MGAT4A: variants seen among roughly 807,000 people sequenced by gnomAD.
MGAT4A encodes the protein alpha-1,3-mannosyl-glycoprotein 4-beta-N-acetylglucosaminyltransferase A, also known as N-acetylglucosaminyltransferase IVa.
Under a neutral mutation model 74.1 loss-of-function variants are expected in MGAT4A, and 33 were observed. That is an observed-to-expected ratio of 0.45 (90% CI 0.34 to 0.60). The LOEUF is 0.60. Ranked by LOEUF, MGAT4A falls within the 20% of genes least tolerant of loss-of-function variation. The pLI, the probability that MGAT4A is intolerant of heterozygous loss-of-function variation, is 0.02. For missense variants in MGAT4A, 479 were observed against 628.3 expected, an observed-to-expected ratio of 0.76 and a Z score of 2.54; for synonymous variants, 198 against 210.4, an observed-to-expected ratio of 0.94 and a Z score of 0.51.
chr2:98,720,185 C>A (rs1002044324), intron 2 of MGAT4A, among the ~76,000 whole-genome samples: 4 of 152,136 alleles, frequency 2.6e-5, no homozygotes, highest in Admixed American at 6.5e-5. Flanking sequence ...GTCAATCTCA[C>A]GGGGCTAAGG....
chr2:98,630,224 C>T (rs76023335), intron 14 of MGAT4A, among the ~76,000 whole-genome samples: 23,984 of 152,110 alleles, frequency 0.16, 2,703 homozygotes, highest in East Asian at 0.43. Flanking sequence ...GAGAACAGAT[C>T]GTGCTGTCCA....
At chr2:98,725,121 AG>A (rs539560925) in intron 2 of MGAT4A, among the ~76,000 whole-genome samples, 21 of 152,344 alleles carry the variant, frequency 1.4e-4, no homozygotes, top group African/African-American at 4.3e-4. Flanking sequence ...CTTCTCATTT[AG>A]TACAATAAAA....
At chr2:98,700,322 TATATA>T (rs1216945930) in intron 2 of MGAT4A, among the ~76,000 whole-genome samples, 1 of 148,510 alleles carries the variant, frequency 6.7e-6, no homozygotes, top group African/African-American at 2.4e-5. Flanking sequence ...ATATATACTA[TATATA>T]ATATATTCAT....
chr2:98,643,402 C>G (rs946728958), intron 10 of MGAT4A, among the ~76,000 whole-genome samples: 1 of 152,196 alleles, frequency 6.6e-6, no homozygotes, highest in South Asian at 2.1e-4. Context: ...TATTCACTTA[C>G]TTGACTGCAA....
chr2:98,680,639 G>A (rs1702046236), intron 2 of MGAT4A, among the ~76,000 whole-genome samples: 2 of 152,338 alleles, frequency 1.3e-5, no homozygotes, highest in South Asian at 4.1e-4. Context: ...AGAGAAGGCT[G>A]TGATAGGGAA....
Position 98,636,540 on chromosome 2 carries a change from T to C in MGAT4A, c.1378A>G (p.Thr460Ala), listed in dbSNP as rs1701324645. The C allele has an allele frequency of 1.9e-6, 3 of 1,613,818 alleles. No individual in the cohort carries two copies. The highest frequency in any genetic ancestry group is 2.2e-5 in the East Asian group (1 of 44,848). The stretch of plus-strand genomic sequence containing the variant: ...ACCTTAAAAGGCAAAACTTCCACAG[T>C]TGTGTTTAGCAGAATATCTCCAGGA... ...EHPGDILLNTTVEVLPFKSEG... is the reference protein window; with the variant it reads ...EHPGDILLNTAVEVLPFKSEG... The change falls in exon 13 of 16, where the codon ACT becomes GCT. Residue 460 changes from threonine to alanine, a missense_variant. By Grantham distance (58) the Thr-to-Ala change is moderately conservative (BLOSUM62 0). This residue lies in a region of MGAT4A where 236 missense variants were observed against 308.2 expected (regional missense o/e 0.77). Transcript: ENST00000393487.
chr2:98,726,794 T>G (rs1702771334), intron 1 of MGAT4A: 1 of 154,796 alleles, frequency 6.5e-6, no homozygotes, highest in Admixed American at 6.5e-5. Context: ...TCATTGGTTT[T>G]GTTTTGTCTG....
At chr2:98,648,133 G>A (rs893546009) in intron 8 of MGAT4A, among the ~76,000 whole-genome samples, 4 of 152,158 alleles carry the variant, frequency 2.6e-5, no homozygotes, top group African/African-American at 7.2e-5. Flanking sequence ...CATAATAAGC[G>A]TATGTGAAGA....
intron 12 of MGAT4A, among the ~76,000 whole-genome samples, chr2:98,638,274 T>C (rs1295161729): frequency 6.6e-6 from 1 of 152,254 alleles, no homozygotes; most frequent in Non-Finnish European, 1.5e-5. Context: ...AAAATCCTTC[T>C]ATAATCTATA....
chr2:98,671,461 C>T (rs569660408), intron 4 of MGAT4A, among the ~76,000 whole-genome samples: 1 of 152,256 alleles, frequency 6.6e-6, no homozygotes, highest in African/African-American at 2.4e-5. Context: ...TCTAGGAGGC[C>T]CTACATGGTC....
intron 12 of MGAT4A, among the ~76,000 whole-genome samples, chr2:98,637,078 G>C (rs951964171): frequency 6.6e-6 from 1 of 152,146 alleles, no homozygotes; most frequent in Non-Finnish European, 1.5e-5. Flanking sequence ...GGGAGGCCGA[G>C]GTAGGAGGAT....
At chr2:98,684,290 C>T (rs1342554192) in intron 2 of MGAT4A, among the ~76,000 whole-genome samples, 1 of 152,092 alleles carries the variant, frequency 6.6e-6, no homozygotes. Flanking sequence ...TCATTTCAAT[C>T]GGTTTGTATG....
At chr2:98,635,175 G>A (rs1701300250) in intron 14 of MGAT4A, 47 bp downstream of exon 14, 1 of 1,392,196 alleles carries the variant, frequency 7.2e-7, no homozygotes, top group Non-Finnish European at 1.0e-6. Context: ...AGTACTTTAG[G>A]AGTAAGTCCA....
rs1355074388 is a variant in MGAT4A, at chr2:98,620,021, T to G, written c.*5545A>C. The G allele has an allele frequency of 6.6e-6, 1 of 152,236 alleles. No individual in the cohort carries two copies. The highest frequency in any genetic ancestry group is 1.5e-5 in the Non-Finnish European group (1 of 68,042). The allele number at this position is 152,236 out of a possible 1,614,324, so 9.4% of individuals were successfully genotyped here. On this transcript the variant is annotated 3_prime_UTR_variant, in exon 16 of 16. Transcript: ENST00000393487. ...AGGTCTTCTAAATTCTCAGCTCAGA[T>G]GCACCCTGGAGTGCCAGCTTGCTCC...
chr2:98,666,951 T>A (rs1701840037), intron 4 of MGAT4A, among the ~76,000 whole-genome samples: 1 of 152,206 alleles, frequency 6.6e-6, no homozygotes, highest in Non-Finnish European at 1.5e-5. Flanking sequence ...CCAAATCTCA[T>A]CTTGAATTCC....
Position 98,663,335 on chromosome 2 carries a change from G to T in MGAT4A, c.404-156C>A. The stretch of plus-strand genomic sequence containing the variant: ...AGGAAGAAAAATAAAGAATACAAGG[G>T]CATACCTGTAATACTGTAATTCATT... On this transcript the variant is annotated intron_variant, in intron 4 of 15. Transcript: ENST00000393487. 2.0e-6 allele frequency: 3 copies of T among 1,529,264 alleles called. 1 individual carries two copies. Among genetic ancestry groups the T allele is most frequent in the South Asian group, 2.4e-5 (2 of 81,804 alleles). 94.7% of individuals were successfully genotyped at this position (1,529,264 alleles called of 1,614,324 possible).
At chr2:98,721,303 C>A (rs1446522316) in intron 2 of MGAT4A, among the ~76,000 whole-genome samples, 1 of 152,108 alleles carries the variant, frequency 6.6e-6, no homozygotes, top group Non-Finnish European at 1.5e-5. Context: ...ATTCTTCAGG[C>A]TGAAAGGAAG....
chr2:98,692,642 A>T (rs1232908473), intron 2 of MGAT4A, among the ~76,000 whole-genome samples: 1 of 152,078 alleles, frequency 6.6e-6, no homozygotes. Context: ...TTTTTACTTT[A>T]TCTTTTCTAT....
chr2:98,671,565 T>A (rs186467733), intron 4 of MGAT4A, among the ~76,000 whole-genome samples: 18 of 152,274 alleles, frequency 1.2e-4, no homozygotes, highest in Admixed American at 1.2e-3. Context: ...TTCTAGAACA[T>A]TCCACACTCC....
Sources: gnomAD v4.1 joint callset for allele counts (sites outside exome capture counted in the v4.1 genomes callset) on GRCh38, gnomAD v4.1.1 for gene constraint, gnomAD v4.1.1 regional missense constraint, MANE v1.5 for transcripts, NCBI Gene and HGNC (gene_info 2026-07-23, HGNC 2026-07-21) for gene names.